C11orf97: variants seen among roughly 807,000 people sequenced by gnomAD.
C11orf97 encodes uncharacterized protein C11orf97.
In C11orf97, 15 loss-of-function variants were observed where a neutral mutation model predicts 16.2. The observed-to-expected ratio is 0.93, with a 90% CI of 0.62 to 1.43. The LOEUF is 1.43. C11orf97 is among the 40% of genes most tolerant of loss of function. The pLI is 0.00. For missense variants in C11orf97, 171 were observed against 161.2 expected, an observed-to-expected ratio of 1.06 and a Z score of -0.33; for synonymous variants, 61 against 65.7, an observed-to-expected ratio of 0.93 and a Z score of 0.34.
At chr11:94,524,386 C>G (rs1947682749) in intron 2 of C11orf97, among the ~76,000 whole-genome samples, 1 of 151,922 alleles carries the variant, frequency 6.6e-6, no homozygotes, top group South Asian at 2.1e-4. Flanking sequence ...CGGAGAGGAA[C>G]AGAGATTTGA....
intron 1 of C11orf97, among the ~76,000 whole-genome samples, chr11:94,512,917 C>CG (rs1251944757): frequency 1.3e-4 from 20 of 151,828 alleles, no homozygotes; most frequent in African/African-American, 4.6e-4. Context: ...CCAATTTAAT[C>CG]ATAGTGGCGT....
rs1256011106 is a variant in C11orf97 at position 94,517,664 on chromosome 11, G to A, written c.227G>A (p.Cys76Tyr). The A allele has an allele frequency of 1.3e-6, 2 of 1,528,012 alleles. No individual in the cohort carries two copies. Among genetic ancestry groups the A allele is most frequent in the Non-Finnish European group, 8.7e-7 (1 of 1,143,810 alleles). 94.7% of individuals were successfully genotyped at this position (1,528,012 alleles called of 1,614,324 possible). Residue 76 changes from cysteine to tyrosine, a missense_variant, in exon 2 of 4, where the codon TGC (cysteine) becomes TAC (tyrosine). Physicochemically the swap from Cys to Tyr is radical, Grantham distance 194. Coordinates refer to ENST00000542198, the MANE Select transcript of C11orf97 (RefSeq NM_001190462.2). ...EEERHIKRDE[C>Y]HIKNPAAVAL... ...GAACGTCATATTAAGAGAGATGAAT[G>A]CCACATTAAAAATCCAGCTGCAGGT...
chr11:94,517,512 A>G (rs1025838434), intron 1 of C11orf97, 71 bp from the exon 2 acceptor site: 2 of 833,256 alleles, frequency 2.4e-6, no homozygotes, highest in Admixed American at 3.3e-5. Flanking sequence ...AATTGTTATC[A>G]TGTAGATATA....
At chr11:94,516,212 C>T (rs1206509725) in intron 1 of C11orf97, among the ~76,000 whole-genome samples, 1 of 152,152 alleles carries the variant, frequency 6.6e-6, no homozygotes, top group Non-Finnish European at 1.5e-5. Flanking sequence ...AGTCTGCATC[C>T]CCGTCAAATT....
intron 2 of C11orf97, among the ~76,000 whole-genome samples, chr11:94,518,062 T>C (rs796583887): frequency 6.8e-6 from 1 of 146,646 alleles, no homozygotes; most frequent in African/African-American, 2.5e-5. Flanking sequence ...GGCAGAAGAA[T>C]GGCGTGAACC....
At chr11:94,512,781 A>C in intron 1 of C11orf97, 108 bp downstream of exon 1, 2 of 1,157,876 alleles carry the variant, frequency 1.7e-6, no homozygotes, top group Non-Finnish European at 2.2e-6. Flanking sequence ...GGTTTGGGGC[A>C]GGGGAGGTGG....
chr11:94,527,891 T>C (rs1339509099), intron 2 of C11orf97, among the ~76,000 whole-genome samples, 193 bp from the exon 3 acceptor site: 1 of 152,202 alleles, frequency 6.6e-6, no homozygotes, highest in African/African-American at 2.4e-5. Context: ...TTTAATTGCA[T>C]AGAGAATAGT....
chr11:94,514,640 C>CTTT (rs10562282), intron 1 of C11orf97, among the ~76,000 whole-genome samples: 8 of 82,456 alleles, frequency 9.7e-5, no homozygotes, highest in African/African-American at 1.4e-4. Flanking sequence ...TTATTTTTGC[C>CTTT]TTTTTTTTTT....
intron 1 of C11orf97, among the ~76,000 whole-genome samples, chr11:94,514,722 G>A (rs959871326): frequency 2.2e-5 from 3 of 133,766 alleles, no homozygotes; most frequent in Non-Finnish European, 3.1e-5. Flanking sequence ...TCGGCTCACC[G>A]CAACTTCCCC....
rs184708394 is a variant in C11orf97 at position 94,531,191 on chromosome 11, G to A, written c.377-705G>A. On this transcript the variant is annotated intron_variant, in intron 3 of 3. Transcript: ENST00000542198. ...TATTCATTTACTTTTATCAATCCCA[G>A]CACTCTGGGAGGCCAAGGCGGGCAG... 2.7e-3 allele frequency among the ~76,000 whole-genome samples: 406 copies of A among 152,252 alleles called. 5 individuals carry two copies. Among genetic ancestry groups the A allele is most frequent in the African/African-American group, 9.3e-3 (386 of 41,554 alleles).
chr11:94,528,829 T>C (rs1364871938), intron 3 of C11orf97, among the ~76,000 whole-genome samples: 1 of 152,104 alleles, frequency 6.6e-6, no homozygotes, highest in Admixed American at 6.5e-5. Flanking sequence ...TCTAGGGACA[T>C]GCAGCTGTGT....
At chr11:94,527,450 T>C (rs559925474) in intron 2 of C11orf97, among the ~76,000 whole-genome samples, 1 of 152,328 alleles carries the variant, frequency 6.6e-6, no homozygotes, top group South Asian at 2.1e-4. Flanking sequence ...TTTTAGGATA[T>C]GGAGGATAAC....
intron 2 of C11orf97, among the ~76,000 whole-genome samples, chr11:94,522,318 G>A (rs980157977): frequency 2.0e-5 from 3 of 152,128 alleles, no homozygotes; most frequent in Non-Finnish European, 2.9e-5. Context: ...GGCGTATCAC[G>A]AGGTCAGGAG....
chr11:94,515,192 T>C (rs1053525180), intron 1 of C11orf97, among the ~76,000 whole-genome samples: 1 of 152,132 alleles, frequency 6.6e-6, no homozygotes, highest in Non-Finnish European at 1.5e-5. Flanking sequence ...TCAAGGAAGC[T>C]ACTTTCTCAA....
At chr11:94,528,040 G>A (rs1384673106) in intron 2 of C11orf97, 44 bp from the exon 3 acceptor site, 1 of 1,485,938 alleles carries the variant, frequency 6.7e-7, no homozygotes, top group Non-Finnish European at 8.9e-7. Flanking sequence ...GCTAAAAAGA[G>A]AATACGCTAA....
chr11:94,530,417 G>C (rs1373995684), intron 3 of C11orf97, among the ~76,000 whole-genome samples: 1 of 152,152 alleles, frequency 6.6e-6, no homozygotes, highest in Non-Finnish European at 1.5e-5. Context: ...TGGTAACCAA[G>C]AATTAAACCT....
At chr11:94,516,177 G>A (rs1350300720) in intron 1 of C11orf97, among the ~76,000 whole-genome samples, 2 of 152,188 alleles carry the variant, frequency 1.3e-5, no homozygotes, top group Non-Finnish European at 2.9e-5. Flanking sequence ...GCCGGAAGCA[G>A]CAGGTCTCTT....
chr11:94,518,971 C>T (rs748452068), intron 2 of C11orf97, among the ~76,000 whole-genome samples: 15 of 151,616 alleles, frequency 9.9e-5, no homozygotes, highest in East Asian at 3.9e-4. Context: ...TGCAGTGACA[C>T]GATCTCTGCT....
At chr11:94,530,982 C>T (rs1320125843) in intron 3 of C11orf97, among the ~76,000 whole-genome samples, 1 of 152,168 alleles carries the variant, frequency 6.6e-6, no homozygotes, top group Non-Finnish European at 1.5e-5. Flanking sequence ...TTAAACAATT[C>T]ACTTGTGCTT....
Sources: allele counts gnomAD v4.1 joint callset (sites outside exome capture counted in the v4.1 genomes callset), GRCh38; gene constraint gnomAD v4.1.1; transcripts MANE v1.5; gene names NCBI Gene and HGNC (gene_info 2026-07-23, HGNC 2026-07-21).